Variants in BOC observed in about 807,000 individuals in gnomAD.
BOC encodes brother of CDO.
Under a neutral mutation model 112.0 loss-of-function variants are expected in BOC, and 76 were observed. The ratio of observed to expected loss-of-function variants is 0.68; its 90% CI spans 0.56 to 0.82. BOC has a LOEUF of 0.82. Ranked by LOEUF, BOC falls within the 40% of genes least tolerant of loss-of-function variation. BOC has a pLI of 0.00. For missense variants in BOC, 1,309 were observed against 1,511.7 expected (o/e 0.87, Z 2.22); for synonymous variants, 580 against 599.8 (o/e 0.97, Z 0.48).
intron 13 of BOC, 113 bp from the exon 14 acceptor site, chr3:113,280,445 C>G (rs1949085855): frequency 1.4e-6 from 1 of 739,804 alleles, no homozygotes; most frequent in Admixed American, 2.1e-5. Context: ...TGCCAGGGGT[C>G]CCAAGTGAAA....
intron 2 of BOC, among the ~76,000 whole-genome samples, chr3:113,223,627 C>G (rs896012154): frequency 6.6e-6 from 1 of 152,184 alleles, no homozygotes. Flanking sequence ...CCTCCCCCAG[C>G]CCCTGGCAAC....
In BOC at chr3:113,233,148, G is replaced by GGGTGTGTGTGTGTGT. The variant is rs75678874; in HGVS notation, c.-81-16573_-81-16572insGTGTGTGTGTGTGTG. Among the ~76,000 whole-genome samples, 19 of 124,030 alleles carry GGGTGTGTGTGTGTGT rather than the reference G, an allele frequency of 1.5e-4. No individual in the cohort carries two copies. In the East Asian group the frequency reaches 3.3e-3, roughly 22 times the overall value. 81.4% of individuals were successfully genotyped at this position (124,030 alleles called of 152,430 possible). ...CATGCATGAGCATGTAAAGGATTGG[G>GGGTGTGTGTGTGTGT]GTGTGTGTGTGTGTGTGTGTGTGTG... On this transcript the variant is annotated intron_variant, in intron 2 of 19. Coordinates refer to ENST00000682979, the MANE Select transcript of BOC (RefSeq NM_001378074.1).
At position 113,270,856 on chromosome 3, in the gene BOC, G is replaced by A. The variant is rs1041749068; in HGVS notation, c.579G>A (p.Glu193=). 3 of 1,614,158 alleles carry A rather than the reference G, an allele frequency of 1.9e-6. No homozygotes were observed. The Admixed American group carries it at 5.0e-5, about 27-fold the overall frequency. Reference sequence around the variant, plus strand: ...TCCAGATTGTGAATGCCAGCCAGGAGGACGAGGGCATGTACAAGTGTGCAG... The same window carrying A: ...TCCAGATTGTGAATGCCAGCCAGGAAGACGAGGGCATGTACAAGTGTGCAG... ...GNLQIVNASQ[E]DEGMYKCAAY... The change falls in exon 6 of 20, where the codon GAG becomes GAA. Residue 193 remains glutamate (E), a synonymous_variant. Coordinates refer to ENST00000682979, the MANE Select transcript of BOC (RefSeq NM_001378074.1).
intron 13 of BOC, among the ~76,000 whole-genome samples, 176 bp downstream of exon 13, chr3:113,280,181 T>C (rs567809295): frequency 6.6e-6 from 1 of 152,200 alleles, no homozygotes; most frequent in South Asian, 2.1e-4. Flanking sequence ...TCTGGTGCCT[T>C]GACCTGGTAG....
At chr3:113,282,098 G>T (rs1446865913) in intron 15 of BOC, among the ~76,000 whole-genome samples, 8 of 152,200 alleles carry the variant, frequency 5.3e-5, no homozygotes, top group African/African-American at 1.9e-4. Flanking sequence ...GATGGTTGGG[G>T]TGTCAGGCAC....
intron 1 of BOC, among the ~76,000 whole-genome samples, chr3:113,213,498 C>T (rs916855483): frequency 1.3e-5 from 2 of 152,294 alleles, no homozygotes; most frequent in Admixed American, 6.5e-5. Flanking sequence ...AATCAATCTT[C>T]GTTTTCTTAA....
At position 113,274,288 on chromosome 3, in the gene BOC, C is replaced by T; in HGVS notation, c.1235-87C>T. 1 of 1,356,540 alleles carries T rather than the reference C, an allele frequency of 7.4e-7. No individual in the cohort carries two copies. The highest frequency in any genetic ancestry group is 9.8e-7 in the Non-Finnish European group (1 of 1,019,560). The allele number at this position is 1,356,540 out of a possible 1,614,324, so 84.0% of individuals were successfully genotyped here. On this transcript the variant is annotated intron_variant, in intron 8 of 19. Transcript: ENST00000682979. The surrounding 1 kb of genome is among the most constrained non-coding windows in gnomAD (Gnocchi z 4.8). Reference sequence around the variant, plus strand: ...TGGTGGGCCCAGGTTGCCTCTCTGTCTTCTTTCTGTTTTCTCCCCAGGAAC... The same window carrying T: ...TGGTGGGCCCAGGTTGCCTCTCTGTTTTCTTTCTGTTTTCTCCCCAGGAAC...
In BOC at chr3:113,278,260, G is replaced by A. The variant is rs540764181; in HGVS notation, c.1705+3G>A. 100 of 1,614,112 alleles carry A rather than the reference G, an allele frequency of 6.2e-5. 1 individual carries two copies. The Admixed American group carries it at 1.6e-3, about 25-fold the overall frequency. On this transcript the variant is annotated splice_donor_region_variant and intron_variant, in intron 10 of 19. Transcript: ENST00000682979. This position sits in a 1 kb window ranked among gnomAD's most constrained non-coding sequence, Gnocchi z 4.2. Reference sequence around the variant, plus strand: ...AGCCATGGTCACCTTCCGAACTGGTGAGAGTCAAACATTGCCCCTTGCTTA... The same window carrying A: ...AGCCATGGTCACCTTCCGAACTGGTAAGAGTCAAACATTGCCCCTTGCTTA...
chr3:113,249,732 G>C lies in BOC; in HGVS notation c.-71G>C. On this transcript the variant is annotated 5_prime_UTR_variant, in exon 3 of 20. Transcript: ENST00000682979. ...TCTCTCTTACAACAGAGTGTTGCCA[G>C]GGACGGCAGTATCTCTTTGTGTGAC... 1 of 1,293,676 alleles carries C rather than the reference G, an allele frequency of 7.7e-7. No homozygotes were observed. The highest frequency in any genetic ancestry group is 1.1e-6 in the Non-Finnish European group (1 of 918,980). 80.1% of individuals were successfully genotyped at this position (1,293,676 alleles called of 1,614,324 possible).
intron 2 of BOC, among the ~76,000 whole-genome samples, chr3:113,247,993 G>T (rs1474303244): frequency 6.6e-6 from 1 of 152,182 alleles, no homozygotes; most frequent in African/African-American, 2.4e-5. Context: ...CCAGAGTAGT[G>T]CTGAAGTCTT....
intron 4 of BOC, among the ~76,000 whole-genome samples, chr3:113,252,619 G>A (rs1945769388): frequency 6.6e-6 from 1 of 152,184 alleles, no homozygotes; most frequent in African/African-American, 2.4e-5. Context: ...TCAGTGGAAT[G>A]GAGGCTGCCA....
intron 2 of BOC, among the ~76,000 whole-genome samples, chr3:113,219,313 C>T (rs1021317402): frequency 3.3e-5 from 5 of 152,264 alleles, no homozygotes; most frequent in African/African-American, 1.2e-4. Flanking sequence ...CCTGCCTCCA[C>T]TGCCCTTCCA....
chr3:113,239,190 T>C (rs969402476), intron 2 of BOC, among the ~76,000 whole-genome samples: 3 of 152,118 alleles, frequency 2.0e-5, no homozygotes, highest in African/African-American at 7.2e-5. Context: ...TAAAAGACAT[T>C]ATATTATCTT....
At chr3:113,234,638 T>A (rs1185167643) in intron 2 of BOC, among the ~76,000 whole-genome samples, 1 of 152,200 alleles carries the variant, frequency 6.6e-6, no homozygotes, top group Non-Finnish European at 1.5e-5. Context: ...TTTTGTACAG[T>A]GTGTGGCACC....
intron 2 of BOC, among the ~76,000 whole-genome samples, chr3:113,241,465 C>T (rs1327089046): frequency 6.6e-6 from 1 of 152,134 alleles, no homozygotes; most frequent in Non-Finnish European, 1.5e-5. Context: ...TCTCCCCAGC[C>T]CCCAACACCA....
intron 1 of BOC, among the ~76,000 whole-genome samples, chr3:113,213,002 G>A (rs983976074): frequency 6.6e-6 from 1 of 152,188 alleles, no homozygotes; most frequent in Non-Finnish European, 1.5e-5. Flanking sequence ...AGTTAATGGA[G>A]CCTCGGGGAT....
At chr3:113,243,133 A>G (rs1330224996) in intron 2 of BOC, among the ~76,000 whole-genome samples, 1 of 152,180 alleles carries the variant, frequency 6.6e-6, no homozygotes, top group South Asian at 2.1e-4. Flanking sequence ...TACAGATTAT[A>G]TTATTTAGTT....
chr3:113,269,465 G>A (rs988127553), intron 5 of BOC: 7 of 151,960 alleles, frequency 4.6e-5, no homozygotes, highest in African/African-American at 1.5e-4. Context: ...GGAGGCTAAG[G>A]TTGTAGTGAG....
At chr3:113,272,154 G>C in intron 6 of BOC, 1 of 567,418 alleles carries the variant, frequency 1.8e-6, no homozygotes, top group Non-Finnish European at 3.2e-6. Flanking sequence ...CTGTGCATAT[G>C]TTATGTTGAT....
Sources: allele counts gnomAD v4.1 joint callset (sites outside exome capture counted in the v4.1 genomes callset), GRCh38; gene constraint gnomAD v4.1.1; non-coding constraint Gnocchi (gnomAD v3.1); transcripts MANE v1.5; gene names NCBI Gene and HGNC (gene_info 2026-07-23, HGNC 2026-07-21).